The following BPIFC variants were observed in gnomAD, a reference collection of about 807,000 sequenced individuals.
BPIFC encodes the protein BPI fold-containing family C protein.
BPIFC carries 60 observed loss-of-function variants against 57.6 expected under a neutral mutation model. The ratio of observed to expected loss-of-function variants is 1.04; its 90% confidence interval spans 0.85 to 1.29. The LOEUF (loss-of-function observed/expected upper bound fraction) is 1.29, where lower values mean the gene tolerates loss of function less well. Among genes scored for constraint, BPIFC ranks in the 50% most tolerant of loss-of-function variants. The pLI is 0.00. For missense variants in BPIFC, 581 were observed against 600.5 expected (o/e 0.97, Z 0.34); for synonymous variants, 243 against 224.5 (o/e 1.08, Z -0.74).
intron 8 of BPIFC, among the ~76,000 whole-genome samples, chr22:32,438,622 C>T (rs1014358215): frequency 4.6e-5 from 7 of 152,170 alleles, no homozygotes; most frequent in African/African-American, 1.4e-4. Context: ...GAACTCCTGA[C>T]CTCAAGTCAT....
At chr22:32,462,104 A>T (rs1316893720) in intron 1 of BPIFC, among the ~76,000 whole-genome samples, 1 of 130,738 alleles carries the variant, frequency 7.6e-6, no homozygotes, top group Non-Finnish European at 1.6e-5. Context: ...CAGGAGGCAG[A>T]GGTTGCAGTG....
intron 9 of BPIFC, among the ~76,000 whole-genome samples, chr22:32,436,813 G>C (rs1017681841): frequency 2.6e-5 from 4 of 152,154 alleles, no homozygotes; most frequent in Admixed American, 2.0e-4. Flanking sequence ...ATGGTTTAAG[G>C]CATTTTTGTA....
intron 13 of BPIFC, among the ~76,000 whole-genome samples, chr22:32,421,144 T>A (rs531585660): frequency 1.3e-5 from 2 of 152,204 alleles, no homozygotes; most frequent in African/African-American, 4.8e-5. Flanking sequence ...TTGCTTGATA[T>A]TTTATGGGAA....
intron 2 of BPIFC, 93 bp from the exon 3 acceptor site, chr22:32,457,479 T>G: frequency 6.8e-7 from 1 of 1,463,554 alleles, no homozygotes; most frequent in Non-Finnish European, 9.3e-7. Context: ...TCATTTTTAC[T>G]GTTTACTTCC....
intron 3 of BPIFC, among the ~76,000 whole-genome samples, chr22:32,454,385 A>G (rs1181436065): frequency 1.3e-5 from 2 of 152,156 alleles, no homozygotes; most frequent in Non-Finnish European, 2.9e-5. Context: ...GAGAATCTAC[A>G]TTTTGACCAG....
At chr22:32,425,314 G>A (rs12484451) in intron 13 of BPIFC, among the ~76,000 whole-genome samples, 14,954 of 152,160 alleles carry the variant, frequency 0.098, 1,209 homozygotes, top group African/African-American at 0.21. Context: ...TGAGCACTGT[G>A]CCAGGCCCTG....
At chr22:32,442,971 T>C (rs926699435) in intron 7 of BPIFC, among the ~76,000 whole-genome samples, 10 of 152,278 alleles carry the variant, frequency 6.6e-5, no homozygotes, top group Admixed American at 3.3e-4. Context: ...CAATCAGCCC[T>C]GTAAAGAGTG....
intron 8 of BPIFC, among the ~76,000 whole-genome samples, chr22:32,442,042 G>A (rs927655740): frequency 5.3e-5 from 8 of 152,172 alleles, no homozygotes; most frequent in African/African-American, 1.4e-4. Context: ...GTTCACCTCC[G>A]GCTGTGCAGT....
chr22:32,440,621 T>G (rs1260160363), intron 8 of BPIFC, among the ~76,000 whole-genome samples: 1 of 152,186 alleles, frequency 6.6e-6, no homozygotes, highest in African/African-American at 2.4e-5. Flanking sequence ...GCTACAAACT[T>G]GTTCTTAGGT....
At chr22:32,430,300 C>G (rs557536942) in intron 13 of BPIFC, among the ~76,000 whole-genome samples, 1 of 152,270 alleles carries the variant, frequency 6.6e-6, no homozygotes, top group Admixed American at 6.5e-5. Flanking sequence ...GGATCACAGT[C>G]ATAGAGCCTG....
chr22:32,448,319 C>T (rs1194199819), intron 4 of BPIFC, among the ~76,000 whole-genome samples: 2 of 151,754 alleles, frequency 1.3e-5, no homozygotes, highest in African/African-American at 2.4e-5. Flanking sequence ...GTGATCTGCC[C>T]GCCTCGGCCT....
chr22:32,415,782 A>T, intron 16 of BPIFC, 133 bp downstream of exon 16: 1 of 577,252 alleles, frequency 1.7e-6, no homozygotes, highest in Non-Finnish European at 2.9e-6. Flanking sequence ...CATGTTTATA[A>T]GATTCCCTGG....
At chr22:32,442,574 T>C (rs1367267877) in intron 8 of BPIFC, 97 bp downstream of exon 8, 7 of 1,209,082 alleles carry the variant, frequency 5.8e-6, no homozygotes, top group Non-Finnish European at 8.4e-6. Context: ...GCAGGATGGA[T>C]AGCTCAAGCT....
At chr22:32,457,727 G>A (rs1443891488) in intron 2 of BPIFC, among the ~76,000 whole-genome samples, 1 of 152,136 alleles carries the variant, frequency 6.6e-6, no homozygotes, top group East Asian at 1.9e-4. Context: ...TCACAGACTA[G>A]TAGTGAATAT....
At chr22:32,416,991 G>A in intron 15 of BPIFC, 94 bp downstream of exon 15, 1 of 1,103,326 alleles carries the variant, frequency 9.1e-7, no homozygotes, top group South Asian at 1.2e-5. Context: ...ACAAGCTTCA[G>A]GGTGGAAAGT....
intron 14 of BPIFC, among the ~76,000 whole-genome samples, chr22:32,418,712 A>C (rs1933752577): frequency 6.6e-6 from 1 of 152,198 alleles, no homozygotes; most frequent in Non-Finnish European, 1.5e-5. Context: ...AGTGCTGCCC[A>C]TGAACTAGGC....
At chr22:32,458,535 T>C (rs1371599504) in intron 2 of BPIFC, among the ~76,000 whole-genome samples, 1 of 152,220 alleles carries the variant, frequency 6.6e-6, no homozygotes, top group Non-Finnish European at 1.5e-5. Flanking sequence ...TCTCCTCTGC[T>C]GGAATTTTTA....
chr22:32,431,311 C>A (rs759580950), intron 13 of BPIFC, 36 bp downstream of exon 13: 2 of 1,551,878 alleles, frequency 1.3e-6, no homozygotes, highest in Non-Finnish European at 1.8e-6. Flanking sequence ...TCACTTATTA[C>A]TAAGGTGCCC....
At chr22:32,441,615 G>A (rs1308472809) in intron 8 of BPIFC, among the ~76,000 whole-genome samples, 1 of 152,146 alleles carries the variant, frequency 6.6e-6, no homozygotes, top group Non-Finnish European at 1.5e-5. Flanking sequence ...CCTGGAAGAG[G>A]CTATGTCTGA....
Sources: gnomAD v4.1 joint callset for allele counts (sites outside exome capture counted in the v4.1 genomes callset) on GRCh38, gnomAD v4.1.1 for gene constraint, MANE v1.5 for transcripts, NCBI Gene and HGNC (gene_info 2026-07-23, HGNC 2026-07-21) for gene names.